LHX4: variants seen among roughly 807,000 people sequenced by gnomAD.
LHX4 encodes the protein LIM/homeobox protein Lhx4.
LHX4 carries 16 observed loss-of-function variants against 39.2 expected under a neutral mutation model. The ratio of observed to expected loss-of-function variants is 0.41; its 90% confidence interval spans 0.28 to 0.62. The LOEUF (loss-of-function observed/expected upper bound fraction) is 0.62, where lower values mean the gene tolerates loss of function less well. Ranked by LOEUF, LHX4 falls within the 20% of genes least tolerant of loss-of-function variation. LHX4 has a pLI of 0.33. For synonymous variants in LHX4, 206 were observed against 198.1 expected (o/e 1.04, Z -0.33); for missense variants, 439 against 511.9 (o/e 0.86, Z 1.37).
intron 1 of LHX4, among the ~76,000 whole-genome samples, chr1:180,238,106 G>C (rs1664367061): frequency 6.6e-6 from 1 of 152,154 alleles, no homozygotes; most frequent in Non-Finnish European, 1.5e-5. Flanking sequence ...TATTTCATTT[G>C]TTACTCGACT....
At chr1:180,263,691 C>T (rs1648199437) in intron 2 of LHX4, among the ~76,000 whole-genome samples, 1 of 152,236 alleles carries the variant, frequency 6.6e-6, no homozygotes, top group Non-Finnish European at 1.5e-5. Flanking sequence ...GCATGAATCA[C>T]TGTCGGTATG....
chr1:180,250,233 G>T (rs1647564470), intron 2 of LHX4, among the ~76,000 whole-genome samples: 1 of 151,994 alleles, frequency 6.6e-6, no homozygotes, highest in African/African-American at 2.4e-5. Context: ...GGCAACAGGA[G>T]TTTGCCTCTA....
chr1:180,265,619 G>T (rs1648280547), intron 2 of LHX4, among the ~76,000 whole-genome samples: 1 of 152,226 alleles, frequency 6.6e-6, no homozygotes, highest in South Asian at 2.1e-4. Flanking sequence ...TTCTGGAAAG[G>T]TGCTGACCAA....
chr1:180,237,664 A>G (rs1664357575), intron 1 of LHX4, among the ~76,000 whole-genome samples: 1 of 152,210 alleles, frequency 6.6e-6, no homozygotes, highest in African/African-American at 2.4e-5. Context: ...TCCCTCTGTC[A>G]GTCTGGGTCT....
intron 2 of LHX4, among the ~76,000 whole-genome samples, chr1:180,249,868 C>T (rs549399456): frequency 3.8e-4 from 44 of 115,234 alleles, no homozygotes; most frequent in African/African-American, 1.2e-3. Flanking sequence ...CTGCTCCCTA[C>T]GTGTGTGTGC....
At chr1:180,237,601 T>A (rs1332494751) in intron 1 of LHX4, among the ~76,000 whole-genome samples, 1 of 152,186 alleles carries the variant, frequency 6.6e-6, no homozygotes, top group Non-Finnish European at 1.5e-5. Context: ...AGGTGAGTCC[T>A]ACCTCCTGCT....
chr1:180,230,680 G>C lies in LHX4; in HGVS notation c.76+75G>C. On this transcript the variant is annotated intron_variant, in intron 1 of 5. Transcript: ENST00000263726. The surrounding 1 kb of genome is among the most constrained non-coding windows in gnomAD (Gnocchi z 5.8). ...AGCCTCAGCCGCTGCGGGGCGGGCCGGACGCCGCTCAGGGGCCGGGAGGGG... is the reference window on the plus strand; with the variant it reads ...AGCCTCAGCCGCTGCGGGGCGGGCCCGACGCCGCTCAGGGGCCGGGAGGGG... 2.1e-6 allele frequency: 3 copies of C among 1,434,682 alleles called. No individual in the cohort carries two copies. Among genetic ancestry groups the C allele is most frequent in the Non-Finnish European group, 2.9e-6 (3 of 1,026,420 alleles). 88.9% of individuals were successfully genotyped at this position (1,434,682 alleles called of 1,614,324 possible).
chr1:180,269,023 A>G (rs1181808516), intron 3 of LHX4, among the ~76,000 whole-genome samples: 2 of 152,070 alleles, frequency 1.3e-5, no homozygotes, highest in African/African-American at 2.4e-5. Context: ...GGATATTTGC[A>G]TTTTCAATAT....
chr1:180,271,558 C>G (rs772600686), intron 4 of LHX4, 24 bp downstream of exon 4: 1 of 1,613,474 alleles, frequency 6.2e-7, no homozygotes, highest in South Asian at 1.1e-5. Context: ...ACTCCTGTGC[C>G]CTCCGGGGAT....
In LHX4 at chr1:180,259,080, T is replaced by C. The variant is rs544839548; in HGVS notation, c.249-7312T>C. On this transcript the variant is annotated intron_variant, in intron 2 of 5. Coordinates refer to ENST00000263726, the MANE Select transcript of LHX4 (RefSeq NM_033343.4). The stretch of plus-strand genomic sequence containing the variant: ...GGAGCCCAGGGGTCTGGGCTGGAGG[T>C]GAGATCCCCAGGGGAGCGGGGTGGG... Among the ~76,000 whole-genome samples, 454 of 150,994 alleles carry C rather than the reference T, an allele frequency of 3.0e-3. 3 individuals carry two copies. The highest frequency in any genetic ancestry group is 0.011 in the African/African-American group (445 of 41,072).
intron 1 of LHX4, among the ~76,000 whole-genome samples, chr1:180,231,121 G>A (rs1664166764): frequency 6.6e-6 from 1 of 150,796 alleles, no homozygotes; most frequent in Non-Finnish European, 1.5e-5. Context: ...TGCGTGCCGG[G>A]TGAGTCCCCA....
chr1:180,251,226 GC>G, intron 2 of LHX4, among the ~76,000 whole-genome samples: 1 of 152,186 alleles, frequency 6.6e-6, no homozygotes, highest in East Asian at 1.9e-4. Flanking sequence ...TCCAGTCCTA[GC>G]CCGCTGCTTT....
intron 2 of LHX4, among the ~76,000 whole-genome samples, chr1:180,249,922 AGAGT>A (rs1389192045): frequency 1.3e-5 from 2 of 150,890 alleles, no homozygotes; most frequent in African/African-American, 4.9e-5. Context: ...AGTGTGTGTG[AGAGT>A]GTGTGTGGGT....
At chr1:180,255,495 ATAGTT>A (rs1647814860) in intron 2 of LHX4, among the ~76,000 whole-genome samples, 1 of 152,234 alleles carries the variant, frequency 6.6e-6, no homozygotes, top group Non-Finnish European at 1.5e-5. Flanking sequence ...TAATTTCTGA[ATAGTT>A]TATAGTCTAA....
At chr1:180,256,911 G>A (rs1647881293) in intron 2 of LHX4, among the ~76,000 whole-genome samples, 1 of 152,232 alleles carries the variant, frequency 6.6e-6, no homozygotes, top group Non-Finnish European at 1.5e-5. Flanking sequence ...CCAAGCCTGT[G>A]GCTGTCAGAA....
Position 180,266,389 on chromosome 1 carries a change from C to A in LHX4, c.249-3C>A. ...CCCTAATCCTTTCCTGCTGCCCTGA[C>A]AGGCGCTTCGGCACAAAATGCACGG... On this transcript the variant is annotated splice_region_variant and splice_polypyrimidine_tract_variant and intron_variant, in intron 2 of 5. Transcript: ENST00000263726. This position sits in a 1 kb window ranked among gnomAD's most constrained non-coding sequence, Gnocchi z 5.7. 1 of 1,614,110 alleles carries A rather than the reference C, an allele frequency of 6.2e-7. No homozygotes were observed. The highest frequency in any genetic ancestry group is 8.5e-7 in the Non-Finnish European group (1 of 1,179,996).
At chr1:180,271,656 C>T (rs1648667742) in intron 4 of LHX4, 122 bp downstream of exon 4, 2 of 1,401,946 alleles carry the variant, frequency 1.4e-6, no homozygotes, top group Admixed American at 1.7e-5. Flanking sequence ...GGGCTTTTGC[C>T]AGAACTGAAG....
At chr1:180,268,600 G>A (rs953267844) in intron 3 of LHX4, among the ~76,000 whole-genome samples, 3 of 152,192 alleles carry the variant, frequency 2.0e-5, no homozygotes, top group Non-Finnish European at 2.9e-5. Flanking sequence ...CATCTGCCAC[G>A]TAGGGCTGTT....
rs777438399 is a variant in LHX4, at chr1:180,234,169, TTATATATATATATATATATATATA to T, written c.76+3593_76+3616del. Among the ~76,000 whole-genome samples the T allele has an allele frequency of 0.024, 1,297 of 53,574 alleles. 63 individuals are homozygous for T. Among genetic ancestry groups the T allele is most frequent in the African/African-American group, 0.066 (922 of 13,930 alleles). 35.1% of individuals were successfully genotyped at this position (53,574 alleles called of 152,430 possible). On this transcript the variant is annotated intron_variant, in intron 1 of 5. Coordinates refer to ENST00000263726, the MANE Select transcript of LHX4 (RefSeq NM_033343.4). This position sits in a 1 kb window ranked among gnomAD's most constrained non-coding sequence, Gnocchi z 4.8. ...AACAGACACACACAACACACACAAA[TTATATATATATATATATATATATA>T]TATATATATATATATATATATATAT...
Sources: gnomAD v4.1 joint callset for allele counts (sites outside exome capture counted in the v4.1 genomes callset) on GRCh38, gnomAD v4.1.1 for gene constraint, Gnocchi (gnomAD v3.1) non-coding constraint, MANE v1.5 for transcripts, NCBI Gene and HGNC (gene_info 2026-07-23, HGNC 2026-07-21) for gene names.